Variants in MAPKAP1 observed in about 807,000 individuals in gnomAD.
MAPKAP1 encodes the protein target of rapamycin complex 2 subunit MAPKAP1.
In MAPKAP1, 20 loss-of-function variants were observed where a neutral mutation model predicts 65.7. That is an observed-to-expected ratio of 0.30 (90% CI 0.21 to 0.44). MAPKAP1 has a LOEUF of 0.44. MAPKAP1 is among the 20% of genes least tolerant of loss of function. The probability of loss-of-function intolerance (pLI) is 1.00; values close to 1 mark genes in which losing one functional copy is unlikely to be tolerated. For missense variants in MAPKAP1, 423 were observed against 648.0 expected, an observed-to-expected ratio of 0.65 and a Z score of 3.77; for synonymous variants, 222 against 244.3, an observed-to-expected ratio of 0.91 and a Z score of 0.85.
At chr9:125,530,792 G>A (rs572844615) in intron 7 of MAPKAP1, among the ~76,000 whole-genome samples, 20 of 152,342 alleles carry the variant, frequency 1.3e-4, no homozygotes, top group African/African-American at 4.1e-4. Flanking sequence ...AACAAAAGGT[G>A]CAGGCAAAGG....
At chr9:125,663,530 TTATC>T (rs1374692199) in intron 3 of MAPKAP1, among the ~76,000 whole-genome samples, 2 of 152,196 alleles carry the variant, frequency 1.3e-5, no homozygotes, top group African/African-American at 4.8e-5. Flanking sequence ...TGTTTACTGT[TTATC>T]TACCCCCAAT....
Position 125,481,797 on chromosome 9 carries a change from A to G in MAPKAP1, c.1207+2646T>C, listed in dbSNP as rs7867038. ...TGCTATTGGGCAAGTACTGCAGCTA[A>G]ACACAAACTGGATGTTTGAGTGGCA... On this transcript the variant is annotated intron_variant, in intron 9 of 11. Coordinates refer to ENST00000265960, the MANE Select transcript of MAPKAP1 (RefSeq NM_001006617.3). 6.1e-3 allele frequency among the ~76,000 whole-genome samples: 923 copies of G among 152,190 alleles called. 11 individuals are homozygous for G. Among genetic ancestry groups the G allele is most frequent in the African/African-American group, 0.021 (857 of 41,528 alleles).
At chr9:125,547,001 T>C (rs1477429307) in intron 6 of MAPKAP1, among the ~76,000 whole-genome samples, 2 of 152,060 alleles carry the variant, frequency 1.3e-5, no homozygotes, top group African/African-American at 4.8e-5. Flanking sequence ...AGGGTGAAAC[T>C]CCATGTCAGG....
chr9:125,680,708 A>G (rs1834796785), intron 1 of MAPKAP1, among the ~76,000 whole-genome samples: 1 of 152,214 alleles, frequency 6.6e-6, no homozygotes, highest in Non-Finnish European at 1.5e-5. Context: ...TCATCTCAGC[A>G]CTAAATGAAA....
At chr9:125,560,111 A>G (rs1299919392) in intron 5 of MAPKAP1, among the ~76,000 whole-genome samples, 2 of 152,220 alleles carry the variant, frequency 1.3e-5, no homozygotes, top group African/African-American at 2.4e-5. Flanking sequence ...GAGATTTAGT[A>G]TCAGCCCTAA....
chr9:125,461,896 C>T (rs534767480), intron 10 of MAPKAP1, among the ~76,000 whole-genome samples: 68 of 152,236 alleles, frequency 4.5e-4, no homozygotes, highest in Non-Finnish European at 8.2e-4. Flanking sequence ...ACTGCAGGTG[C>T]CTCACCTACT....
intron 8 of MAPKAP1, among the ~76,000 whole-genome samples, chr9:125,504,893 A>G (rs968959933): frequency 3.3e-5 from 5 of 152,168 alleles, no homozygotes; most frequent in Non-Finnish European, 7.4e-5. Flanking sequence ...AAGATCTACC[A>G]TTCATTCACT....
At chr9:125,453,204 G>A (rs1554803435) in intron 10 of MAPKAP1, among the ~76,000 whole-genome samples, 1 of 152,172 alleles carries the variant, frequency 6.6e-6, no homozygotes, top group Non-Finnish European at 1.5e-5. Flanking sequence ...CTACAGGGGT[G>A]CAACACCAGG....
At chr9:125,513,793 T>C (rs1829378990) in intron 7 of MAPKAP1, among the ~76,000 whole-genome samples, 1 of 152,142 alleles carries the variant, frequency 6.6e-6, no homozygotes, top group Non-Finnish European at 1.5e-5. Flanking sequence ...GGGCAGGGAA[T>C]GCTGGCATCA....
At chr9:125,593,358 T>C (rs1041641026) in intron 4 of MAPKAP1, among the ~76,000 whole-genome samples, 4 of 151,598 alleles carry the variant, frequency 2.6e-5, no homozygotes, top group African/African-American at 9.7e-5. Flanking sequence ...GTTAAGTAAT[T>C]TTTATCAAAG....
At chr9:125,464,320 C>A (rs1853605585) in intron 10 of MAPKAP1, among the ~76,000 whole-genome samples, 1 of 151,206 alleles carries the variant, frequency 6.6e-6, no homozygotes, top group African/African-American at 2.4e-5. Flanking sequence ...AAACATTCTC[C>A]TCTTGTATGT....
At chr9:125,662,033 A>C (rs1408166851) in intron 3 of MAPKAP1, among the ~76,000 whole-genome samples, 2 of 152,172 alleles carry the variant, frequency 1.3e-5, no homozygotes, top group Non-Finnish European at 2.9e-5. Flanking sequence ...AAAAAGAAAA[A>C]TTTGAGATGA....
chr9:125,476,976 A>G (rs1241153249), intron 9 of MAPKAP1, among the ~76,000 whole-genome samples: 1 of 152,194 alleles, frequency 6.6e-6, no homozygotes, highest in Non-Finnish European at 1.5e-5. Context: ...AGCTGATGAG[A>G]CGAAACCTTT....
At chr9:125,572,219 C>G (rs1324551190) in intron 5 of MAPKAP1, among the ~76,000 whole-genome samples, 1 of 152,084 alleles carries the variant, frequency 6.6e-6, no homozygotes, top group East Asian at 1.9e-4. Context: ...TCTAACAGGT[C>G]CAGGAGCCCC....
At chr9:125,698,312 T>A (rs1171312654) in intron 1 of MAPKAP1, among the ~76,000 whole-genome samples, 1,222 of 46,484 alleles carry the variant, frequency 0.026, 54 homozygotes, top group Non-Finnish European at 0.038. Context: ...TATATATATA[T>A]ATATATATAT....
intron 10 of MAPKAP1, among the ~76,000 whole-genome samples, chr9:125,449,635 C>A (rs1416236432): frequency 1.3e-5 from 2 of 152,194 alleles, no homozygotes; most frequent in Non-Finnish European, 2.9e-5. Flanking sequence ...GAATTTAATA[C>A]CAAGCAGAAA....
chr9:125,630,591 A>T (rs1833251941), intron 4 of MAPKAP1, among the ~76,000 whole-genome samples: 1 of 152,198 alleles, frequency 6.6e-6, no homozygotes, highest in Non-Finnish European at 1.5e-5. Context: ...CAGCCCTGGT[A>T]TGTCAATGCA....
At position 125,652,162 on chromosome 9, in the gene MAPKAP1, CA is replaced by C. The variant is rs750140283; in HGVS notation, c.498+5488del. 11 of 1,308,908 alleles carry C rather than the reference CA, an allele frequency of 8.4e-6. No homozygotes were observed. In the African/African-American group the frequency reaches 1.6e-4, roughly 20 times the overall value. The allele number at this position is 1,308,908 out of a possible 1,614,324, so 81.1% of individuals were successfully genotyped here. On this transcript the variant is annotated intron_variant, in intron 4 of 11. Transcript: ENST00000265960. Reference sequence around the variant, plus strand: ...TTCTCGGTGGCTTCATGCTTTTCTGCAAAGTTTTAAGTGACTTTCTTTGAAG... The same window carrying C: ...TTCTCGGTGGCTTCATGCTTTTCTGCAAGTTTTAAGTGACTTTCTTTGAAG...
chr9:125,558,230 T>C (rs570846484), intron 6 of MAPKAP1, among the ~76,000 whole-genome samples: 1 of 152,330 alleles, frequency 6.6e-6, no homozygotes, highest in Non-Finnish European at 1.5e-5. Flanking sequence ...CTGAGTAACA[T>C]ATACACACGA....
Sources: gnomAD v4.1 joint callset for allele counts (sites outside exome capture counted in the v4.1 genomes callset) on GRCh38, gnomAD v4.1.1 for gene constraint, MANE v1.5 for transcripts, NCBI Gene and HGNC (gene_info 2026-07-23, HGNC 2026-07-21) for gene names.